ADK: variants seen among roughly 807,000 people sequenced by gnomAD.
ADK encodes adenosine kinase.
In ADK, 24 loss-of-function variants were observed where a neutral mutation model predicts 44.7. The ratio of observed to expected loss-of-function variants is 0.54; its 90% CI spans 0.39 to 0.76. The LOEUF is 0.76. Among genes scored for constraint, ADK ranks in the 30% least tolerant of loss-of-function variants. The pLI, the probability that ADK is intolerant of heterozygous loss-of-function variation, is 0.00. For synonymous variants in ADK, 128 were observed against 142.6 expected, an observed-to-expected ratio of 0.90 and a Z score of 0.73; for missense variants, 321 against 425.1, an observed-to-expected ratio of 0.76 and a Z score of 2.15.
At chr10:74,537,079 G>T (rs1320814083) in intron 7 of ADK, among the ~76,000 whole-genome samples, 1 of 152,050 alleles carries the variant, frequency 6.6e-6, no homozygotes, top group East Asian at 1.9e-4. Flanking sequence ...ATACACAAGG[G>T]TTCCAATTTC....
chr10:74,170,174 A>G (rs1049493855), intron 1 of ADK, among the ~76,000 whole-genome samples: 3 of 152,180 alleles, frequency 2.0e-5, no homozygotes, highest in East Asian at 3.8e-4. Flanking sequence ...CAGGGAAAAC[A>G]TTCCACATTC....
chr10:74,541,851 A>G (rs1267114781), intron 7 of ADK, among the ~76,000 whole-genome samples: 1 of 129,710 alleles, frequency 7.7e-6, no homozygotes, highest in Non-Finnish European at 1.6e-5. Flanking sequence ...GTCTTTTTTC[A>G]TGCGTTATAC....
chr10:74,672,493 G>C (rs1254511330), intron 10 of ADK, among the ~76,000 whole-genome samples: 2 of 152,168 alleles, frequency 1.3e-5, no homozygotes, highest in Non-Finnish European at 2.9e-5. Flanking sequence ...GTTGAAATCA[G>C]AATAGAGAAA....
At chr10:74,165,781 A>C (rs1392561666) in intron 1 of ADK, among the ~76,000 whole-genome samples, 1 of 152,194 alleles carries the variant, frequency 6.6e-6, no homozygotes. Context: ...GCAATTGTCA[A>C]TTGTGTTTTA....
chr10:74,155,769 G>A (rs568330869), intron 1 of ADK, among the ~76,000 whole-genome samples: 4 of 152,066 alleles, frequency 2.6e-5, no homozygotes, highest in Non-Finnish European at 4.4e-5. Flanking sequence ...GCCTGACCTC[G>A]TGATCCACCC....
intron 4 of ADK, among the ~76,000 whole-genome samples, chr10:74,330,782 T>C (rs1369325826): frequency 6.6e-6 from 1 of 152,154 alleles, no homozygotes; most frequent in Non-Finnish European, 1.5e-5. Context: ...ATCACCAGAT[T>C]ACTGGAGCCC....
intron 10 of ADK, 138 bp from the exon 11 acceptor site, chr10:74,708,183 G>A (rs1856673990): frequency 2.2e-6 from 2 of 896,846 alleles, no homozygotes; most frequent in Non-Finnish European, 1.8e-6. Flanking sequence ...CCTCCCTAAC[G>A]GTAACGCACA....
chr10:74,575,142 G>A (rs1204217384), intron 7 of ADK, among the ~76,000 whole-genome samples: 1 of 152,028 alleles, frequency 6.6e-6, no homozygotes, highest in Non-Finnish European at 1.5e-5. Context: ...TTTATTTGAG[G>A]GCTTCTCTTT....
intron 6 of ADK, among the ~76,000 whole-genome samples, chr10:74,449,253 TAGGGTACATGTGCACA>T (rs1845688644): frequency 6.6e-6 from 1 of 152,224 alleles, no homozygotes; most frequent in South Asian, 2.1e-4. Context: ...CTTTAAGTTT[TAGGGTACATGTGCACA>T]ACGTGCAGGC....
intron 1 of ADK, among the ~76,000 whole-genome samples, chr10:74,182,364 A>ATTTATTTATTTT (rs1441331023): frequency 1.3e-5 from 2 of 150,850 alleles, no homozygotes; most frequent in Non-Finnish European, 3.0e-5. Context: ...TTATTTATTT[A>ATTTATTTATTTT]TTTATTTATT....
chr10:74,483,464 G>A (rs573678633), intron 6 of ADK, among the ~76,000 whole-genome samples: 31 of 152,216 alleles, frequency 2.0e-4, no homozygotes, highest in African/African-American at 6.5e-4. Flanking sequence ...CCACTGTCTC[G>A]GCTATTAACA....
intron 1 of ADK, among the ~76,000 whole-genome samples, chr10:74,161,647 T>C (rs2132037358): frequency 6.6e-6 from 1 of 152,230 alleles, no homozygotes; most frequent in Admixed American, 6.5e-5. Flanking sequence ...CCCAAAGTGC[T>C]GGGATTACAG....
At chr10:74,449,033 A>G (rs1433457312) in intron 6 of ADK, among the ~76,000 whole-genome samples, 1 of 152,150 alleles carries the variant, frequency 6.6e-6, no homozygotes, top group Admixed American at 6.6e-5. Flanking sequence ...AATAAGATTT[A>G]TTTGTTGGTT....
chr10:74,334,839 ACC>A (rs1841353537), intron 4 of ADK, among the ~76,000 whole-genome samples: 1 of 151,982 alleles, frequency 6.6e-6, no homozygotes, highest in South Asian at 2.1e-4. Context: ...GCAGTCAAGG[ACC>A]CAGCCATCCT....
chr10:74,176,555 C>A (rs1842344863), intron 1 of ADK: 2 of 1,332,220 alleles, frequency 1.5e-6, no homozygotes, highest in Non-Finnish European at 1.9e-6. Context: ...GACGCTGTTA[C>A]TAGGACTCAA....
chr10:74,322,736 TTCTC>T (rs1265723317), intron 4 of ADK, among the ~76,000 whole-genome samples: 4 of 151,656 alleles, frequency 2.6e-5, no homozygotes, highest in Non-Finnish European at 5.9e-5. Context: ...CTCCTTTCCT[TTCTC>T]TCTCTTCTTC....
intron 9 of ADK, among the ~76,000 whole-genome samples, chr10:74,610,312 A>C (rs1002840731): frequency 1.3e-5 from 2 of 152,218 alleles, no homozygotes; most frequent in Non-Finnish European, 2.9e-5. Context: ...GAAATAAGCC[A>C]GTCACAATGG....
intron 4 of ADK, among the ~76,000 whole-genome samples, chr10:74,375,490 A>G (rs1358679794): frequency 6.6e-6 from 1 of 152,192 alleles, no homozygotes; most frequent in Non-Finnish European, 1.5e-5. Context: ...AGAGATGTGG[A>G]TATGCCTGGG....
At chr10:74,333,022 A>G (rs1328856676) in intron 4 of ADK, among the ~76,000 whole-genome samples, 1 of 152,248 alleles carries the variant, frequency 6.6e-6, no homozygotes, top group Non-Finnish European at 1.5e-5. Flanking sequence ...GTCTTTCTTA[A>G]GCTTAAATTG....
Sources: gnomAD v4.1 joint callset for allele counts (sites outside exome capture counted in the v4.1 genomes callset) on GRCh38, gnomAD v4.1.1 for gene constraint, MANE v1.5 for transcripts, NCBI Gene and HGNC (gene_info 2026-07-23, HGNC 2026-07-21) for gene names.